The following TNNI3K variants were observed in gnomAD, a reference collection of about 807,000 sequenced individuals.
TNNI3K encodes the protein TNNI3 interacting kinase.
Under a neutral mutation model 114.5 loss-of-function variants are expected in TNNI3K, and 140 were observed. That is an observed-to-expected ratio of 1.22 (90% CI 1.07 to 1.41). TNNI3K has a LOEUF of 1.41. TNNI3K is among the 40% of genes most tolerant of loss of function. The pLI is 0.00. For missense variants in TNNI3K, 1,125 were observed against 1,007.6 expected (o/e 1.12, Z -1.58); for synonymous variants, 347 against 347.5 (o/e 1.00, Z 0.02).
intron 23 of TNNI3K, among the ~76,000 whole-genome samples, chr1:74,519,642 A>G (rs980815976): frequency 4.3e-4 from 66 of 152,258 alleles, no homozygotes; most frequent in African/African-American, 1.5e-3. Flanking sequence ...TAGAGATAAA[A>G]ACTTCTAAGA....
At chr1:74,524,069 C>T (rs1646470095) in intron 23 of TNNI3K, among the ~76,000 whole-genome samples, 1 of 152,210 alleles carries the variant, frequency 6.6e-6, no homozygotes, top group Non-Finnish European at 1.5e-5. Context: ...TTTTGCAAAG[C>T]ATTGACATTT....
intron 4 of TNNI3K, among the ~76,000 whole-genome samples, chr1:74,253,527 C>T (rs1173147379): frequency 1.3e-5 from 2 of 152,146 alleles, no homozygotes; most frequent in East Asian, 1.9e-4. Flanking sequence ...TGGAGCACAG[C>T]GCCAGTGGGC....
At chr1:74,251,066 A>G (rs965526287) in intron 4 of TNNI3K, among the ~76,000 whole-genome samples, 3 of 152,152 alleles carry the variant, frequency 2.0e-5, no homozygotes, top group African/African-American at 7.2e-5. Context: ...AGGATTTAAG[A>G]CAAGGCAGTC....
intron 23 of TNNI3K, among the ~76,000 whole-genome samples, chr1:74,518,447 CT>C (rs1310698388): frequency 6.6e-6 from 1 of 152,138 alleles, no homozygotes; most frequent in Non-Finnish European, 1.5e-5. Flanking sequence ...CAGTTATAGA[CT>C]CTTGGTTGCT....
chr1:74,494,588 G>T (rs150376986), intron 23 of TNNI3K, among the ~76,000 whole-genome samples: 2 of 152,066 alleles, frequency 1.3e-5, no homozygotes, highest in Non-Finnish European at 2.9e-5. Flanking sequence ...GTCTTTTAAA[G>T]CTATTTCTCT....
chr1:74,449,438 A>G (rs1388252817), intron 20 of TNNI3K, among the ~76,000 whole-genome samples: 4 of 151,966 alleles, frequency 2.6e-5, no homozygotes, highest in Admixed American at 2.6e-4. Context: ...TGATTTTTTG[A>G]ATGGTTTTTT....
At chr1:74,418,811 G>C (rs1316291106) in intron 17 of TNNI3K, among the ~76,000 whole-genome samples, 1 of 151,542 alleles carries the variant, frequency 6.6e-6, no homozygotes, top group Non-Finnish European at 1.5e-5. Flanking sequence ...TTTCTTAGAT[G>C]TTTATAGGAT....
intron 21 of TNNI3K, chr1:74,480,938 A>G (rs1156424977): frequency 5.6e-6 from 4 of 717,004 alleles, no homozygotes; most frequent in Non-Finnish European, 2.6e-6. Context: ...TCCATCGGTG[A>G]TGATTAAAAC....
At chr1:74,416,336 G>T (rs1309842577) in intron 17 of TNNI3K, 3 of 985,132 alleles carry the variant, frequency 3.0e-6, no homozygotes, top group Non-Finnish European at 3.6e-6. Context: ...TTAGTGACGG[G>T]CTACACTAAT....
chr1:74,338,252 A>G (rs1228666434), intron 7 of TNNI3K, among the ~76,000 whole-genome samples: 1 of 152,018 alleles, frequency 6.6e-6, no homozygotes, highest in Non-Finnish European at 1.5e-5. Flanking sequence ...ACTTTTTAAT[A>G]GAGTTTGAGT....
At chr1:74,280,346 C>T (rs1380071756) in intron 5 of TNNI3K, among the ~76,000 whole-genome samples, 1 of 151,624 alleles carries the variant, frequency 6.6e-6, no homozygotes, top group East Asian at 1.9e-4. Context: ...CGTGCCACTG[C>T]ACTCCAGTCT....
intron 23 of TNNI3K, among the ~76,000 whole-genome samples, chr1:74,525,118 A>G (rs1196915006): frequency 2.6e-5 from 4 of 152,206 alleles, no homozygotes; most frequent in African/African-American, 9.6e-5. Flanking sequence ...TTAACCAAGT[A>G]TTGGGGAGAG....
At chr1:74,326,895 A>G (rs994687645) in intron 5 of TNNI3K, among the ~76,000 whole-genome samples, 5 of 152,070 alleles carry the variant, frequency 3.3e-5, no homozygotes, top group African/African-American at 1.2e-4. Flanking sequence ...ATCCTTGCCA[A>G]CATAGTGAAA....
chr1:74,337,547 A>G (rs1307144805), intron 7 of TNNI3K, among the ~76,000 whole-genome samples: 4 of 152,102 alleles, frequency 2.6e-5, no homozygotes, highest in East Asian at 1.9e-4. Flanking sequence ...TTGTTCACTA[A>G]TCTTTTATAA....
intron 20 of TNNI3K, among the ~76,000 whole-genome samples, chr1:74,446,089 G>C (rs1570630506): frequency 1.3e-5 from 2 of 151,914 alleles, no homozygotes; most frequent in African/African-American, 4.8e-5. Context: ...GGTATTTCTA[G>C]TTCTAGATCC....
At position 74,336,091 on chromosome 1, in the gene TNNI3K, T is replaced by C. The variant is rs1473591135; in HGVS notation, c.624T>C (p.Ser208=). 2 of 1,604,198 alleles carry C rather than the reference T, an allele frequency of 1.2e-6. No individual in the cohort carries two copies. Among genetic ancestry groups the C allele is most frequent in the Admixed American group, 3.5e-5 (2 of 56,922 alleles). ...GAGATAGACCCCTCCACCTAGCATC[T>C]GCAAAAGGATTCTTGAATATTGCAA... is the stretch of plus-strand genomic sequence containing the variant. ...EVGDRPLHLA[S]AKGFLNIAKL... The change falls in exon 7 of 25, where the codon TCT becomes TCC. Residue 208 remains serine, a synonymous_variant. Coordinates refer to ENST00000326637, the MANE Select transcript of TNNI3K (RefSeq NM_015978.3).
At chr1:74,311,900 C>T (rs754227091) in intron 5 of TNNI3K, among the ~76,000 whole-genome samples, 2 of 152,132 alleles carry the variant, frequency 1.3e-5, no homozygotes, top group Non-Finnish European at 2.9e-5. Flanking sequence ...CTGGCCTAAT[C>T]ATTAGTACTT....
chr1:74,264,680 A>C (rs1224167657), intron 4 of TNNI3K, among the ~76,000 whole-genome samples: 1 of 152,024 alleles, frequency 6.6e-6, no homozygotes, highest in East Asian at 1.9e-4. Flanking sequence ...GGAATATTAG[A>C]GGTGAATAAG....
intron 17 of TNNI3K, among the ~76,000 whole-genome samples, chr1:74,406,889 G>A (rs1664640527): frequency 6.6e-6 from 1 of 152,156 alleles, no homozygotes; most frequent in Admixed American, 6.5e-5. Context: ...CTCCAGAAAT[G>A]TCCTACATCA....
Sources: allele counts gnomAD v4.1 joint callset (sites outside exome capture counted in the v4.1 genomes callset), GRCh38; gene constraint gnomAD v4.1.1; transcripts MANE v1.5; gene names NCBI Gene and HGNC (gene_info 2026-07-23, HGNC 2026-07-21).